Variants in ANKRD6 observed in about 807,000 individuals in gnomAD.
ANKRD6 encodes the protein ankyrin repeat domain 6.
A neutral mutation model predicts 82.3 loss-of-function variants in ANKRD6; 56 were observed. That is an observed-to-expected ratio of 0.68 (90% CI 0.55 to 0.85). The LOEUF (loss-of-function observed/expected upper bound fraction) is 0.85, where lower values mean the gene tolerates loss of function less well. Among genes scored for constraint, ANKRD6 ranks in the 40% least tolerant of loss-of-function variants. The pLI is 0.00. For missense variants in ANKRD6, 852 were observed against 907.6 expected, an observed-to-expected ratio of 0.94 and a Z score of 0.79; for synonymous variants, 347 against 352.1, an observed-to-expected ratio of 0.99 and a Z score of 0.16.
At chr6:89,623,236 T>C (rs1804300215) in intron 10 of ANKRD6, among the ~76,000 whole-genome samples, 174 bp from the exon 11 acceptor site, 1 of 152,148 alleles carries the variant, frequency 6.6e-6, no homozygotes, top group Non-Finnish European at 1.5e-5. Flanking sequence ...AGGAAAACGT[T>C]CTATGTTAGT....
At chr6:89,484,631 C>T (rs760961322) in intron 1 of ANKRD6, among the ~76,000 whole-genome samples, 1 of 152,168 alleles carries the variant, frequency 6.6e-6, no homozygotes, top group African/African-American at 2.4e-5. Flanking sequence ...GTTCAGTACA[C>T]AGTGTGCATC....
At chr6:89,457,826 C>T (rs1476565325) in intron 1 of ANKRD6, among the ~76,000 whole-genome samples, 1 of 152,120 alleles carries the variant, frequency 6.6e-6, no homozygotes, top group Admixed American at 6.5e-5. Flanking sequence ...GAGAATTTCT[C>T]ATTGTTATAG....
chr6:89,448,479 C>T (rs547672353), intron 1 of ANKRD6, among the ~76,000 whole-genome samples: 34 of 151,950 alleles, frequency 2.2e-4, no homozygotes, highest in African/African-American at 8.2e-4. Context: ...CTGTCTGTGC[C>T]GTATAAATGG....
chr6:89,543,870 C>T (rs1456519730), intron 1 of ANKRD6, among the ~76,000 whole-genome samples: 1 of 152,246 alleles, frequency 6.6e-6, no homozygotes, highest in Admixed American at 6.5e-5. Flanking sequence ...TCTGGCCTTG[C>T]TGTCCGTTAT....
chr6:89,480,878 G>T (rs920057450), intron 1 of ANKRD6, among the ~76,000 whole-genome samples: 6 of 143,798 alleles, frequency 4.2e-5, no homozygotes, highest in Non-Finnish European at 7.5e-5. Flanking sequence ...GGAGGTTGAG[G>T]CTACAGTGAG....
chr6:89,567,028 G>T lies in ANKRD6; in HGVS notation c.52G>T (p.Ala18Ser), dbSNP rs780451030. The T allele has an allele frequency of 6.2e-7, 1 of 1,607,108 alleles. No homozygotes were observed. The highest frequency in any genetic ancestry group is 8.5e-7 in the Non-Finnish European group (1 of 1,176,688). Residue 18 changes from alanine (A) to serine (S), a missense_variant, in exon 2 of 16, where the codon GCG (alanine) becomes TCG (serine). Physicochemically the swap from Ala to Ser is moderately conservative, Grantham distance 99. Transcript: ENST00000339746. ...ACTTTCAGAGCGCCTTCTCGTAGCT[G>T]CGTACAAAGGCCAAACAGAGAATGT... ...AALSERLLVA[A>S]YKGQTENVVQ...
intron 1 of ANKRD6, among the ~76,000 whole-genome samples, chr6:89,529,414 AAG>A (rs1456836532): frequency 6.6e-6 from 1 of 152,200 alleles, no homozygotes; most frequent in Non-Finnish European, 1.5e-5. Flanking sequence ...TGTAAAACTG[AAG>A]AGAGTTAGGG....
At chr6:89,504,391 TCTCTCG>T (rs925283717) in intron 1 of ANKRD6, among the ~76,000 whole-genome samples, 16 of 150,986 alleles carry the variant, frequency 1.1e-4, no homozygotes, top group African/African-American at 3.4e-4. Context: ...GGACAGTCTC[TCTCTCG>T]CTCTCGCTCG....
chr6:89,534,754 CACAGAAGTAAATTAGTCA>C (rs1487246019), intron 1 of ANKRD6, among the ~76,000 whole-genome samples: 1 of 152,158 alleles, frequency 6.6e-6, no homozygotes, highest in Non-Finnish European at 1.5e-5. Flanking sequence ...AGACAAGATG[CACAGAAGTAAATTAGTCA>C]ACCAGGTAAG....
At chr6:89,513,406 C>G (rs1308783175) in intron 1 of ANKRD6, among the ~76,000 whole-genome samples, 2 of 152,180 alleles carry the variant, frequency 1.3e-5, no homozygotes, top group Admixed American at 6.5e-5. Context: ...AAATCACTCT[C>G]TTGACTTATA....
chr6:89,570,487 C>T (rs1238631459), intron 2 of ANKRD6, among the ~76,000 whole-genome samples: 1 of 152,070 alleles, frequency 6.6e-6, no homozygotes, highest in Admixed American at 6.6e-5. Flanking sequence ...CAACCATCAC[C>T]ACCATCCATC....
chr6:89,621,025 C>T (rs1018927011), intron 9 of ANKRD6, among the ~76,000 whole-genome samples: 113 of 152,036 alleles, frequency 7.4e-4, no homozygotes, highest in Admixed American at 5.9e-4. Context: ...GCCGAGATCA[C>T]GCCACTGCAC....
intron 2 of ANKRD6, among the ~76,000 whole-genome samples, chr6:89,585,588 A>G (rs2128127439): frequency 6.6e-6 from 1 of 152,316 alleles, no homozygotes; most frequent in Non-Finnish European, 1.5e-5. Flanking sequence ...AATATTGGAA[A>G]CACGATTAGA....
At chr6:89,557,694 C>T (rs1454432043) in intron 1 of ANKRD6, among the ~76,000 whole-genome samples, 1 of 152,100 alleles carries the variant, frequency 6.6e-6, no homozygotes, top group African/African-American at 2.4e-5. Context: ...AGGAGGTGAG[C>T]AGCAGGCAAG....
chr6:89,607,902 T>TC (rs1455643554), intron 5 of ANKRD6, among the ~76,000 whole-genome samples: 6 of 106,798 alleles, frequency 5.6e-5, no homozygotes, highest in East Asian at 2.3e-4. Context: ...CGCCTCAGCC[T>TC]CCTAAGTATC....
chr6:89,605,126 C>T (rs1222134017), intron 4 of ANKRD6, among the ~76,000 whole-genome samples: 1 of 152,206 alleles, frequency 6.6e-6, no homozygotes, highest in Admixed American at 6.5e-5. Flanking sequence ...GTGGCTCACG[C>T]CTGTAATCCC....
intron 1 of ANKRD6, among the ~76,000 whole-genome samples, chr6:89,549,419 G>A (rs1785524141): frequency 8.7e-6 from 1 of 114,502 alleles, no homozygotes; most frequent in Non-Finnish European, 1.6e-5. Context: ...TTGCCCTTCT[G>A]TCCGTAGCTA....
chr6:89,447,853 A>ACTTTTTTTTTTTTTTT (rs1772293870), intron 1 of ANKRD6, among the ~76,000 whole-genome samples: 1 of 54,926 alleles, frequency 1.8e-5, no homozygotes. Flanking sequence ...ACGCCCAGCT[A>ACTTTTTTTTTTTTTTT]ATTTTTTTTT....
intron 2 of ANKRD6, among the ~76,000 whole-genome samples, chr6:89,584,022 C>G (rs796222569): frequency 1.3e-5 from 2 of 152,234 alleles, no homozygotes; most frequent in East Asian, 3.8e-4. Flanking sequence ...TCTAACTACA[C>G]TGCTGAGTGC....
Sources: gnomAD v4.1 joint callset for allele counts (sites outside exome capture counted in the v4.1 genomes callset) on GRCh38, gnomAD v4.1.1 for gene constraint, MANE v1.5 for transcripts, NCBI Gene and HGNC (gene_info 2026-07-23, HGNC 2026-07-21) for gene names.